CDON: variants seen among roughly 807,000 people sequenced by gnomAD.
The protein encoded by CDON is cell adhesion associated, oncogene regulated.
CDON carries 73 observed loss-of-function variants against 120.9 expected under a neutral mutation model. The observed-to-expected ratio is 0.60, with a 90% CI of 0.50 to 0.73. The LOEUF is 0.73. CDON is among the 30% of genes least tolerant of loss of function. The probability of loss-of-function intolerance (pLI) is 0.00; values close to 1 mark genes in which losing one functional copy is unlikely to be tolerated. For missense variants in CDON, 1,470 were observed against 1,587.3 expected (o/e 0.93, Z 1.26); for synonymous variants, 566 against 573.5 (o/e 0.99, Z 0.19).
At chr11:126,060,126 C>T (rs146698002) in intron 1 of CDON, among the ~76,000 whole-genome samples, 1 of 151,998 alleles carries the variant, frequency 6.6e-6, no homozygotes, top group Admixed American at 6.6e-5. Context: ...TGATTACATA[C>T]AATATAAAAA....
chr11:126,015,475 T>C lies in CDON; in HGVS notation c.964A>G (p.Ile322Val), dbSNP rs745689234. 6.2e-7 allele frequency: 1 copy of C among 1,614,080 alleles called. No homozygotes were observed. Among genetic ancestry groups the C allele is most frequent in the South Asian group, 1.1e-5 (1 of 91,080 alleles). ...TGTACTGTGGCACCCAGAGACACTATCTGATCCTGTAGTCCTTTAGAAATG... is the reference window on the plus strand; with the variant it reads ...TGTACTGTGGCACCCAGAGACACTACCTGATCCTGTAGTCCTTTAGAAATG... ...ASISKGLQDQ[I>V]VSLGATVHFT... Residue 322 changes from isoleucine (I) to valine (V), a missense_variant, in exon 7 of 20, where the codon ATA (isoleucine) becomes GTA (valine). Physicochemically the swap from Ile to Val is conservative, Grantham distance 29. Coordinates refer to ENST00000531738, the MANE Select transcript of CDON (RefSeq NM_001378964.1).
chr11:125,975,739 T>C (rs1946134028), intron 18 of CDON, among the ~76,000 whole-genome samples: 1 of 152,192 alleles, frequency 6.6e-6, no homozygotes, highest in Non-Finnish European at 1.5e-5. Flanking sequence ...TTTTATTAAG[T>C]GTTTCAAGTG....
chr11:126,059,932 TA>T (rs945960328), intron 1 of CDON, among the ~76,000 whole-genome samples: 170 of 140,966 alleles, frequency 1.2e-3, no homozygotes, highest in Middle Eastern at 7.2e-3. Flanking sequence ...CTTGAAGGAT[TA>T]AAAAAAAAAA....
intron 18 of CDON, among the ~76,000 whole-genome samples, chr11:125,976,279 T>C (rs1408633150): frequency 1.3e-5 from 2 of 152,222 alleles, no homozygotes; most frequent in Non-Finnish European, 2.9e-5. Context: ...TGTCCAATTA[T>C]TGAGTGTCAA....
chr11:126,005,676 T>C, intron 9 of CDON, 83 bp downstream of exon 9: 1 of 1,299,190 alleles, frequency 7.7e-7, no homozygotes, highest in Non-Finnish European at 1.1e-6. Context: ...CCTGCCATTC[T>C]ACAAATGAAA....
chr11:126,004,263 G>A lies in CDON; in HGVS notation c.1852-187C>T, dbSNP rs2276056. On this transcript the variant is annotated intron_variant, in intron 9 of 19. Coordinates refer to ENST00000531738, the MANE Select transcript of CDON (RefSeq NM_001378964.1). ...GAAATAGAAGATCTGCTGCAAGAAC[G>A]CTGCAATTCTCACTGTAGAAAGACT... 1.1e-3 allele frequency: 733 copies of A among 655,842 alleles called. 11 individuals are homozygous for A. In the East Asian group the frequency reaches 0.02, roughly 18 times the overall value. The allele number at this position is 655,842 out of a possible 1,614,324, so 40.6% of individuals were successfully genotyped here.
At chr11:125,973,885 A>G (rs1277292064) in intron 18 of CDON, among the ~76,000 whole-genome samples, 1 of 151,526 alleles carries the variant, frequency 6.6e-6, no homozygotes, top group Non-Finnish European at 1.5e-5. Context: ...ATTCATTTTT[A>G]TTATTTATGT....
At chr11:126,019,419 G>T (rs1480019757) in intron 4 of CDON, among the ~76,000 whole-genome samples, 200 bp downstream of exon 4, 2 of 152,186 alleles carry the variant, frequency 1.3e-5, no homozygotes, top group Non-Finnish European at 2.9e-5. Context: ...GAAATCTGAT[G>T]GGGGTCTGAA....
At chr11:126,013,907 T>C (rs1947381337) in intron 7 of CDON, among the ~76,000 whole-genome samples, 1 of 152,146 alleles carries the variant, frequency 6.6e-6, no homozygotes, top group Non-Finnish European at 1.5e-5. Flanking sequence ...CAGAAGGCTA[T>C]AAATTTCCTT....
At chr11:126,052,581 G>C (rs1248180787) in intron 1 of CDON, among the ~76,000 whole-genome samples, 1 of 152,188 alleles carries the variant, frequency 6.6e-6, no homozygotes, top group Non-Finnish European at 1.5e-5. Flanking sequence ...CCAGCACTTT[G>C]GGAGGACAAG....
chr11:125,973,702 A>G (rs1032063018), intron 18 of CDON, among the ~76,000 whole-genome samples: 1 of 152,108 alleles, frequency 6.6e-6, no homozygotes, highest in Non-Finnish European at 1.5e-5. Context: ...ATTCTGTTTT[A>G]GAGATTGTGT....
chr11:126,001,189 CTTTTTCT>C (rs908703096), intron 11 of CDON, among the ~76,000 whole-genome samples: 12 of 83,290 alleles, frequency 1.4e-4, no homozygotes, highest in Admixed American at 9.3e-4. Context: ...AAACTCCTTC[CTTTTTCT>C]TTTTTTTTTT....
At chr11:125,984,358 C>G (rs979238053) in intron 15 of CDON, among the ~76,000 whole-genome samples, 21 of 152,240 alleles carry the variant, frequency 1.4e-4, no homozygotes, top group Non-Finnish European at 2.8e-4. Flanking sequence ...ATATGATTAT[C>G]TGCTTAACTG....
chr11:125,973,147 G>A (rs1946053661), intron 18 of CDON, among the ~76,000 whole-genome samples: 1 of 149,022 alleles, frequency 6.7e-6, no homozygotes, highest in African/African-American at 2.5e-5. Context: ...TTTCTCATCT[G>A]GACTACTGCA....
At position 126,005,952 on chromosome 11, in the gene CDON, G is replaced by A; in HGVS notation, c.1658C>T (p.Ser553Leu). 3.1e-6 allele frequency: 5 copies of A among 1,614,108 alleles called. No individual in the cohort carries two copies. Among genetic ancestry groups the A allele is most frequent in the Non-Finnish European group, 3.4e-6 (4 of 1,180,010 alleles). ...RDGSETGLLSSFPVKVHPSAV... is the reference protein window; with the variant it reads ...RDGSETGLLSLFPVKVHPSAV... Reference sequence around the variant, plus strand: ...ACTGGGATGGACCTTCACCGGAAATGAGCTCAGTAACCCAGTTTCTGAACC... The same window carrying A: ...ACTGGGATGGACCTTCACCGGAAATAAGCTCAGTAACCCAGTTTCTGAACC... Residue 553 changes from serine (S) to leucine (L), a missense_variant, in exon 9 of 20, where the codon TCA (serine) becomes TTA (leucine). By Grantham distance (145) the Ser-to-Leu change is moderately radical (BLOSUM62 -2). Coordinates refer to ENST00000531738, the MANE Select transcript of CDON (RefSeq NM_001378964.1).
rs5795473 is a variant in CDON, at chr11:126,020,991, G to GAA, written c.349+255_349+256dup. On this transcript the variant is annotated intron_variant, in intron 3 of 19. Transcript: ENST00000531738. ...CTGGCAAAGCTGCAGAGATTATAAAGAAAAAAAAAAAACTGTCCTAACTGC... is the reference window on the plus strand; with the variant it reads ...CTGGCAAAGCTGCAGAGATTATAAAGAAAAAAAAAAAAAACTGTCCTAACTGC... Among the ~76,000 whole-genome samples, 327 of 147,676 alleles carry GAA rather than the reference G, an allele frequency of 2.2e-3. No homozygotes were observed. The highest frequency in any genetic ancestry group is 3.3e-3 in the African/African-American group (132 of 40,346).
rs1233868740 is a variant in CDON at position 126,021,420 on chromosome 11, G to A, written c.177C>T (p.Ile59=). ...ATGTTTTTCCGTTATGCAGCCATGA[G>A]ATACGAGTGGTCACAGGTTGAGCAG... ...HCSAQPVTTR[I]SWLHNGKTLD... is the part of the protein sequence containing the mutation. The change falls in exon 3 of 20, where the codon ATC becomes ATT. Residue 59 remains isoleucine (I), a synonymous_variant. Transcript: ENST00000531738. 1 of 1,614,128 alleles carries A rather than the reference G, an allele frequency of 6.2e-7. No individual in the cohort carries two copies. Among genetic ancestry groups the A allele is most frequent in the Non-Finnish European group, 8.5e-7 (1 of 1,179,998 alleles).
intron 14 of CDON, 130 bp from the exon 15 acceptor site, chr11:125,989,889 G>A (rs895251386): frequency 3.3e-5 from 24 of 735,630 alleles, no homozygotes; most frequent in Admixed American, 1.9e-4. Context: ...CAATAAAAAT[G>A]TACTTAATAG....
intron 18 of CDON, among the ~76,000 whole-genome samples, chr11:125,974,448 T>C (rs1433986698): frequency 7.1e-6 from 1 of 140,438 alleles, no homozygotes; most frequent in Non-Finnish European, 1.5e-5. Context: ...TTTTTCTTTT[T>C]TACTCTCCTT....
Sources: allele counts gnomAD v4.1 joint callset (sites outside exome capture counted in the v4.1 genomes callset), GRCh38; gene constraint gnomAD v4.1.1; transcripts MANE v1.5; gene names NCBI Gene and HGNC (gene_info 2026-07-23, HGNC 2026-07-21).